Variants in CORO1A observed in about 807,000 individuals in gnomAD.
CORO1A encodes the protein coronin-1A.
A neutral mutation model predicts 44.1 loss-of-function variants in CORO1A; 17 were observed. The ratio of observed to expected loss-of-function variants is 0.39; its 90% CI spans 0.26 to 0.58. The LOEUF is 0.58. Ranked by LOEUF, CORO1A falls within the 20% of genes least tolerant of loss-of-function variation. The pLI is 0.62. For missense variants in CORO1A, 415 were observed against 606.5 expected (o/e 0.68, Z 3.32); for synonymous variants, 271 against 244.2 (o/e 1.11, Z -1.02).
At chr16:30,185,457 C>A in intron 2 of CORO1A, 50 bp downstream of exon 2, 1 of 1,543,282 alleles carries the variant, frequency 6.5e-7, no homozygotes, top group Non-Finnish European at 8.9e-7. Context: ...GGACCCATGG[C>A]TCTGTGCAGG....
chr16:30,187,865 G>GGGGGGGGGGGGGGGGGGGGCC, intron 7 of CORO1A, 36 bp downstream of exon 7: 1 of 513,324 alleles, frequency 1.9e-6, no homozygotes, highest in Non-Finnish European at 3.6e-6. Flanking sequence ...TGGGAGGTGG[G>GGGGGGGGGGGGGGGGGGGGCC]CAGGATGGGC....
At position 30,186,916 on chromosome 16, in the gene CORO1A, C is replaced by A. The variant is rs1219155789; in HGVS notation, c.422C>A (p.Thr141Asn). The change falls in exon 4 of 11, where the codon ACC becomes AAC. Residue 141 changes from threonine (T) to asparagine (N), a missense_variant. Transcript: ENST00000219150. ...TKRVGIVAWH[T>N]TAQNVLLSAG... Reference sequence around the variant, plus strand: ...CGTGTGGGCATTGTGGCCTGGCACACCACAGCCCAGAACGTGCTGCTCAGT... The same window carrying A: ...CGTGTGGGCATTGTGGCCTGGCACAACACAGCCCAGAACGTGCTGCTCAGT... 6.2e-7 allele frequency: 1 copy of A among 1,612,786 alleles called. No individual in the cohort carries two copies. The highest frequency in any genetic ancestry group is 1.1e-5 in the South Asian group (1 of 91,086).
chr16:30,187,370 C>G lies in CORO1A; in HGVS notation c.637-12C>G. On this transcript the variant is annotated splice_polypyrimidine_tract_variant and intron_variant, in intron 5 of 10. Coordinates refer to ENST00000219150, the MANE Select transcript of CORO1A (RefSeq NM_007074.4). Reference sequence around the variant, plus strand: ...TACGGGTGCCTGACCTACCACCTCCCTTTCCTTGCAGGAGAAGGACCGTCC... The same window carrying G: ...TACGGGTGCCTGACCTACCACCTCCGTTTCCTTGCAGGAGAAGGACCGTCC... 2 of 1,610,122 alleles carry G rather than the reference C, an allele frequency of 1.2e-6. No individual in the cohort carries two copies. Among genetic ancestry groups the G allele is most frequent in the Non-Finnish European group, 1.7e-6 (2 of 1,180,006 alleles).
At chr16:30,185,533 G>A in intron 2 of CORO1A, 126 bp downstream of exon 2, 1 of 776,518 alleles carries the variant, frequency 1.3e-6, no homozygotes, top group South Asian at 1.7e-5. Flanking sequence ...ACTGAGCTGG[G>A]CCCCATGAGC....
rs755507558 is a variant in CORO1A, at chr16:30,186,714, A to G, written c.315A>G (p.Thr105=). ...NVIASGSEDC[T]VMVWEIPDGG... is the part of the protein sequence containing the mutation. ...TTGCCAGTGGCTCCGAGGACTGCAC[A>G]GTCATGGTGAGTGGTGGTGGGGACC... Residue 105 remains threonine (T), a synonymous_variant, in exon 3 of 11, where the codon ACA becomes ACG. Coordinates refer to ENST00000219150, the MANE Select transcript of CORO1A (RefSeq NM_007074.4). 2.5e-6 allele frequency: 4 copies of G among 1,612,140 alleles called. No individual in the cohort carries two copies. The highest frequency in any genetic ancestry group is 3.4e-6 in the Non-Finnish European group (4 of 1,179,802).
chr16:30,186,329 AGACT>A (rs1372486789), intron 2 of CORO1A: 2 of 486,204 alleles, frequency 4.1e-6, no homozygotes, highest in Non-Finnish European at 7.6e-6. Context: ...GGGCAGAGAC[AGACT>A]GAGACAGAGA....
chr16:30,186,776 C>T (rs1375628855), intron 3 of CORO1A, 40 bp from the exon 4 acceptor site: 8 of 1,609,256 alleles, frequency 5.0e-6, no homozygotes, highest in Non-Finnish European at 6.8e-6. Context: ...TGGGATCTGA[C>T]ATTTGGAGTC....
Position 30,185,221 on chromosome 16 carries a change from G to A in CORO1A, c.12G>A (p.Gln4=). Residue 4 remains glutamine (Q), a synonymous_variant, in exon 2 of 11, where the codon CAG becomes CAA. Coordinates refer to ENST00000219150, the MANE Select transcript of CORO1A (RefSeq NM_007074.4). ...TGTGTGCCCCCAGAATGAGCCGGCA[G>A]GTGGTCCGCTCCAGCAAGTTCCGCC... MSR[Q]VVRSSKFRHV... is the part of the protein sequence containing the mutation. 6.2e-7 allele frequency: 1 copy of A among 1,614,178 alleles called. No individual in the cohort carries two copies. Among genetic ancestry groups the A allele is most frequent in the Non-Finnish European group, 8.5e-7 (1 of 1,180,010 alleles).
At chr16:30,188,339 C>T in intron 9 of CORO1A, 22 bp from the exon 10 acceptor site, 1 of 1,613,400 alleles carries the variant, frequency 6.2e-7, no homozygotes, top group Non-Finnish European at 8.5e-7. Flanking sequence ...GCTTTCCTCA[C>T]TATCCCTGGC....
Position 30,184,021 on chromosome 16 carries a change from G to C in CORO1A, c.-2+296G>C, listed in dbSNP as rs2073304387. On this transcript the variant is annotated intron_variant, in intron 1 of 10. Transcript: ENST00000219150. This position sits in a 1 kb window ranked among gnomAD's most constrained non-coding sequence, Gnocchi z 4.3. ...CCGACTCCCCACGGAATTGAGTCTC[G>C]GGGAGGGTGGGGACGAGGGCAGGGT... 1 of 152,008 alleles carries C rather than the reference G, an allele frequency of 6.6e-6. No individual in the cohort carries two copies. The highest frequency in any genetic ancestry group is 1.5e-5 in the Non-Finnish European group (1 of 68,156). The allele number at this position is 152,008 out of a possible 1,614,324, so 9.4% of individuals were successfully genotyped here.
intron 2 of CORO1A, chr16:30,186,046 C>G (rs1001463429): frequency 1.9e-5 from 4 of 205,354 alleles, no homozygotes; most frequent in Non-Finnish European, 4.1e-5. Flanking sequence ...GGGCCCGCGC[C>G]CCACATGGCT....
At chr16:30,186,519 G>T in intron 2 of CORO1A, 79 bp from the exon 3 acceptor site, 1 of 1,557,742 alleles carries the variant, frequency 6.4e-7, no homozygotes, top group Non-Finnish European at 8.8e-7. Context: ...TCCTCTCTGG[G>T]CCTCTCTGAA....
In CORO1A at chr16:30,188,180, C is replaced by G. The variant is rs1403409211; in HGVS notation, c.1008-12C>G. 6.2e-7 allele frequency: 1 copy of G among 1,614,128 alleles called. No homozygotes were observed. The highest frequency in any genetic ancestry group is 8.5e-7 in the Non-Finnish European group (1 of 1,180,010). ...CAGACTGTGGGCCCCGCTCACCTTC[C>G]CCTTCCCACAGGTTCTACAAGCTGC... is the stretch of plus-strand genomic sequence containing the variant. On this transcript the variant is annotated splice_polypyrimidine_tract_variant and intron_variant, in intron 8 of 10. Transcript: ENST00000219150.
rs1350063119 is a variant in CORO1A, at chr16:30,186,900, A to G, written c.406A>G (p.Ile136Val). The change falls in exon 4 of 11, where the codon ATT becomes GTT. Residue 136 changes from isoleucine to valine, a missense_variant. This residue lies in a region of CORO1A where 325 missense variants were observed against 521.7 expected (regional missense o/e 0.62). Coordinates refer to ENST00000219150, the MANE Select transcript of CORO1A (RefSeq NM_007074.4). ...TLEGHTKRVG[I>V]VAWHTTAQNV... ...GGAGGGCCACACCAAGCGTGTGGGCATTGTGGCCTGGCACACCACAGCCCA... is the reference window on the plus strand; with the variant it reads ...GGAGGGCCACACCAAGCGTGTGGGCGTTGTGGCCTGGCACACCACAGCCCA... The G allele has an allele frequency of 6.2e-7, 1 of 1,612,640 alleles. No individual in the cohort carries two copies. Among genetic ancestry groups the G allele is most frequent in the South Asian group, 1.1e-5 (1 of 91,084 alleles).
rs371818902 is a variant in CORO1A, at chr16:30,187,218, G to T, written c.631G>T (p.Val211Leu). ...CATCGAGCCCCGCAAAGGCACTGTC[G>T]TAGCTGTGAGTCGCCATCTACCCTG... ...RIIEPRKGTV[V>L]AEKDRPHEGT... Residue 211 changes from valine to leucine, a missense_variant, in exon 5 of 11, where the codon GTA becomes TTA. Coordinates refer to ENST00000219150, the MANE Select transcript of CORO1A (RefSeq NM_007074.4). 1.2e-6 allele frequency: 2 copies of T among 1,612,054 alleles called. No individual in the cohort carries two copies. Among genetic ancestry groups the T allele is most frequent in the African/African-American group, 2.7e-5 (2 of 75,042 alleles).
rs753564644 is a variant in CORO1A, at chr16:30,187,417, G to C, written c.672G>C (p.Val224=). 1.9e-5 allele frequency: 30 copies of C among 1,611,296 alleles called. No individual in the cohort carries two copies. Among genetic ancestry groups the C allele is most frequent in the Non-Finnish European group, 2.5e-5 (29 of 1,180,008 alleles). Residue 224 remains valine, a synonymous_variant, in exon 6 of 11, where the codon GTG becomes GTC. Transcript: ENST00000219150. The stretch of plus-strand genomic sequence containing the variant: ...GTCCCCACGAGGGGACCCGGCCCGT[G>C]CGTGCAGTGTTCGTGTCGGAGGGGA... ...KDRPHEGTRP[V]RAVFVSEGKI... is the part of the protein sequence containing the mutation.
intron 6 of CORO1A, 24 bp downstream of exon 6, chr16:30,187,525 A>G (rs2073355626): frequency 3.8e-6 from 6 of 1,594,198 alleles, no homozygotes; most frequent in Non-Finnish European, 5.1e-6. Flanking sequence ...CAGGAAGCCG[A>G]GGGCCCCCAG....
chr16:30,188,006 T>C lies in CORO1A; in HGVS notation c.926T>C (p.Met309Thr), dbSNP rs1327483966. ...SEAPFLHYLS[M>T]FSSKESQRGM... Reference sequence around the variant, plus strand: ...GCCCCTTTCCTGCACTATCTCTCCATGTTCAGTTCCAAGGAGTCCCAGCGG... The same window carrying C: ...GCCCCTTTCCTGCACTATCTCTCCACGTTCAGTTCCAAGGAGTCCCAGCGG... Residue 309 changes from methionine to threonine, a missense_variant, in exon 8 of 11, where the codon ATG (methionine) becomes ACG (threonine). Coordinates refer to ENST00000219150, the MANE Select transcript of CORO1A (RefSeq NM_007074.4). 3 of 1,613,938 alleles carry C rather than the reference T, an allele frequency of 1.9e-6. No homozygotes were observed. Among genetic ancestry groups the C allele is most frequent in the East Asian group, 2.2e-5 (1 of 44,874 alleles).
At chr16:30,188,111 G>A (rs769269596) in intron 8 of CORO1A, 24 bp downstream of exon 8, 5 of 1,613,498 alleles carry the variant, frequency 3.1e-6, no homozygotes, top group East Asian at 2.2e-5. Flanking sequence ...GGCCCTGACC[G>A]CAGCATGCTC....
Sources: allele counts gnomAD v4.1 joint callset, GRCh38; gene constraint gnomAD v4.1.1; regional missense constraint gnomAD v4.1.1; non-coding constraint Gnocchi (gnomAD v3.1); transcripts MANE v1.5; gene names NCBI Gene and HGNC (gene_info 2026-07-23, HGNC 2026-07-21).